Variants in PKD1L3 observed in about 807,000 individuals in gnomAD.
The protein encoded by PKD1L3 is polycystin-1-like protein 3.
Under a neutral mutation model 184.1 loss-of-function variants are expected in PKD1L3, and 239 were observed. The observed-to-expected ratio is 1.30, with a 90% CI of 1.17 to 1.45. The LOEUF is 1.45. Among genes scored for constraint, PKD1L3 ranks in the 40% most tolerant of loss-of-function variants. The pLI is 0.00. For synonymous variants in PKD1L3, 996 were observed against 778.8 expected, an observed-to-expected ratio of 1.28 and a Z score of -4.64; for missense variants, 2,660 against 2,067.2, an observed-to-expected ratio of 1.29 and a Z score of -5.56.
intron 5 of PKD1L3, among the ~76,000 whole-genome samples, chr16:71,984,574 T>C (rs1405364679): frequency 6.6e-6 from 1 of 152,078 alleles, no homozygotes. Context: ...GTATTCGTAT[T>C]TAAGGCTGGG....
At chr16:71,990,225 G>T in intron 4 of PKD1L3, 55 bp downstream of exon 4, 1 of 1,401,024 alleles carries the variant, frequency 7.1e-7, no homozygotes, top group South Asian at 1.2e-5. Context: ...AGATCTACTA[G>T]GTATGACAAA....
At chr16:71,984,230 G>A (rs2040275338) in intron 5 of PKD1L3, 63 bp from the exon 6 acceptor site, 1 of 1,484,916 alleles carries the variant, frequency 6.7e-7, no homozygotes, top group Admixed American at 2.0e-5. Context: ...TAGTAGTCAG[G>A]GAGATTATTT....
intron 13 of PKD1L3, among the ~76,000 whole-genome samples, chr16:71,968,931 T>C (rs1338748635): frequency 7.0e-6 from 1 of 142,566 alleles, no homozygotes; most frequent in Non-Finnish European, 1.5e-5. Flanking sequence ...TACATATAAC[T>C]TTTTTTTTTT....
chr16:71,983,159 T>C (rs2040225089), intron 6 of PKD1L3, among the ~76,000 whole-genome samples: 1 of 152,166 alleles, frequency 6.6e-6, no homozygotes, highest in African/African-American at 2.4e-5. Flanking sequence ...TTTGTCTTTT[T>C]AATTTCAGAC....
At chr16:71,954,958 C>T (rs1158589040) in intron 16 of PKD1L3, among the ~76,000 whole-genome samples, 1 of 152,028 alleles carries the variant, frequency 6.6e-6, no homozygotes. Context: ...TTGCTAGAAG[C>T]CAGTGTTGAG....
chr16:71,998,188 T>C (rs2040856850), intron 2 of PKD1L3, 84 bp downstream of exon 2: 1 of 1,496,920 alleles, frequency 6.7e-7, no homozygotes, highest in Admixed American at 2.0e-5. Context: ...ACAGACTATT[T>C]AACCAATATT....
rs534339904 is a variant in PKD1L3, at chr16:71,929,739, TAAAA to T, written c.5059-65_5059-62del. 812 of 1,393,116 alleles carry T rather than the reference TAAAA, an allele frequency of 5.8e-4. 4 individuals are homozygous for T. The highest frequency in any genetic ancestry group is 3.8e-3 in the Middle Eastern group (21 of 5,472). 86.3% of individuals were successfully genotyped at this position (1,393,116 alleles called of 1,614,324 possible). A position where few individuals can be genotyped will look rare whatever the true frequency, so the allele number is the denominator to read the frequency against. ...ATTGAAATTACTGCTAATAGTGGAG[TAAAA>T]AAAGTACCAAAGATTTTTAAAAAAT... On this transcript the variant is annotated intron_variant, in intron 29 of 29. Transcript: ENST00000620267.
chr16:71,944,517 T>C (rs2038485021), intron 22 of PKD1L3, among the ~76,000 whole-genome samples: 1 of 151,950 alleles, frequency 6.6e-6, no homozygotes, highest in Non-Finnish European at 1.5e-5. Flanking sequence ...ACGTTGTCTC[T>C]ACAAAAAAAT....
chr16:71,984,902 C>CA (rs2040300649), intron 5 of PKD1L3, among the ~76,000 whole-genome samples: 1 of 152,110 alleles, frequency 6.6e-6, no homozygotes, highest in African/African-American at 2.4e-5. Flanking sequence ...TAAAATGACT[C>CA]ATAGCAAGAG....
chr16:71,975,573 T>G (rs1433134158), intron 11 of PKD1L3, among the ~76,000 whole-genome samples: 1 of 152,192 alleles, frequency 6.6e-6, no homozygotes, highest in Non-Finnish European at 1.5e-5. Flanking sequence ...CATGGTGCTG[T>G]GAGCCTTACT....
rs1474909151 is a variant in PKD1L3 at position 71,950,003 on chromosome 16, A to C, written c.3398T>G (p.Phe1133Cys). The C allele has an allele frequency of 1.5e-5, 24 of 1,551,472 alleles. No homozygotes were observed. The East Asian group carries it at 5.9e-4, about 38-fold the overall frequency. ...TCCTTCTTCTGAGCTCAGGATGGCA[A>C]AACTGGTGACTTCCCTGAAGCACAA... The part of the protein sequence containing the change: ...EQEPSREVTS[F>C]AILSSEEGKK... Residue 1133 changes from phenylalanine (F) to cysteine (C), a missense_variant, in exon 21 of 30, where the codon TTT becomes TGT. Transcript: ENST00000620267.
chr16:71,933,772 C>T, intron 27 of PKD1L3, 143 bp downstream of exon 27: 2 of 894,238 alleles, frequency 2.2e-6, no homozygotes, highest in South Asian at 3.4e-5. Flanking sequence ...TAAGTCATAC[C>T]AGTTAAGTGT....
At chr16:71,968,082 C>A in intron 13 of PKD1L3, 75 bp from the exon 14 acceptor site, 1 of 1,233,590 alleles carries the variant, frequency 8.1e-7, no homozygotes, top group Non-Finnish European at 1.1e-6. Flanking sequence ...AGCTGAGGAG[C>A]AGGAGGATGA....
chr16:71,929,557 A>G lies in PKD1L3; in HGVS notation c.5180T>C (p.Val1727Ala). The G allele has an allele frequency of 6.4e-7, 1 of 1,551,036 alleles. No homozygotes were observed. Among genetic ancestry groups the G allele is most frequent in the Non-Finnish European group, 8.7e-7 (1 of 1,146,840 alleles). Residue 1727 changes from valine to alanine, a missense_variant, in exon 30 of 30, where the codon GTT (valine) becomes GCT (alanine). By Grantham distance (64) the Val-to-Ala change is moderately conservative. Transcript: ENST00000620267. The stretch of plus-strand genomic sequence containing the variant: ...ACAGGATTAAGGTAGTTCATCTAAA[A>G]CTTCAGTGTCACTGCCCACTGCTGT... ...ATTAVGSDTEVLDELP is the reference protein window; with the variant it reads ...ATTAVGSDTEALDELP
chr16:71,963,963 C>G (rs28714527), intron 15 of PKD1L3, among the ~76,000 whole-genome samples: 42,590 of 151,932 alleles, frequency 0.28, 6,266 homozygotes, highest in South Asian at 0.41. Context: ...TTTCAAATAT[C>G]CCATCTGCCT....
rs545714203 is a variant in PKD1L3, at chr16:71,964,915, T to C, written c.2466-1564A>G. ...AGGCTGGAGTGCAGCGGTGCGATCT[T>C]GGCTCACTGCAACCTCCACCTCTTG... On this transcript the variant is annotated intron_variant, in intron 15 of 29. Transcript: ENST00000620267. 4.6e-5 allele frequency among the ~76,000 whole-genome samples: 7 copies of C among 151,758 alleles called. No individual in the cohort carries two copies. The South Asian group carries it at 1.5e-3, about 32-fold the overall frequency.
chr16:71,988,950 A>G (rs1047314849), intron 4 of PKD1L3, among the ~76,000 whole-genome samples: 12 of 152,208 alleles, frequency 7.9e-5, no homozygotes, highest in African/African-American at 2.9e-4. Flanking sequence ...GAGGACAACA[A>G]TGTTGCATAT....
intron 16 of PKD1L3, 29 bp from the exon 17 acceptor site, chr16:71,954,330 CAT>C (rs1567509932): frequency 6.8e-7 from 1 of 1,463,560 alleles, no homozygotes; most frequent in Non-Finnish European, 9.2e-7. Context: ...AGAGGAAATA[CAT>C]GAGATTTTAT....
rs908749707 is a variant in PKD1L3, at chr16:71,963,317, C to T, written c.2500G>A (p.Val834Ile). Reference sequence around the variant, plus strand: ...CACAGGAAATGCCACTTCCTCTTAACTGCCATGTCACAGACAATTACCTGG... The same window carrying T: ...CACAGGAAATGCCACTTCCTCTTAATTGCCATGTCACAGACAATTACCTGG... ...VSQVIVCDMAVKRKWHFLCNC... is the reference protein window; with the variant it reads ...VSQVIVCDMAIKRKWHFLCNC... Residue 834 changes from valine (V) to isoleucine (I), a missense_variant, in exon 16 of 30, where the codon GTT (valine) becomes ATT (isoleucine). Coordinates refer to ENST00000620267, the MANE Select transcript of PKD1L3 (RefSeq NM_181536.2). 1.1e-5 allele frequency: 17 copies of T among 1,551,224 alleles called. No individual in the cohort carries two copies. Among genetic ancestry groups the T allele is most frequent in the African/African-American group, 1.4e-5 (1 of 73,050 alleles).
Sources: allele counts gnomAD v4.1 joint callset (sites outside exome capture counted in the v4.1 genomes callset), GRCh38; gene constraint gnomAD v4.1.1; transcripts MANE v1.5; gene names NCBI Gene and HGNC (gene_info 2026-07-23, HGNC 2026-07-21).